Variants in UBR1 observed in about 807,000 individuals in gnomAD.
UBR1 encodes the protein E3 ubiquitin-protein ligase UBR1.
UBR1 carries 102 observed loss-of-function variants against 242.1 expected under a neutral mutation model. The observed-to-expected ratio is 0.42, with a 90% CI of 0.36 to 0.50. UBR1 has a LOEUF of 0.50. Among genes scored for constraint, UBR1 ranks in the 20% least tolerant of loss-of-function variants. The pLI, the probability that UBR1 is intolerant of heterozygous loss-of-function variation, is 0.01. For missense variants in UBR1, 1,772 were observed against 2,101.8 expected (o/e 0.84, Z 3.07); for synonymous variants, 675 against 684.8 (o/e 0.99, Z 0.22).
intron 1 of UBR1, among the ~76,000 whole-genome samples, chr15:43,103,544 C>T (rs1442139742): frequency 1.3e-5 from 2 of 152,174 alleles, no homozygotes; most frequent in Non-Finnish European, 2.9e-5. Flanking sequence ...TATCAGTTCC[C>T]CTGGTAATTC....
chr15:42,969,682 C>T (rs900384378), intron 40 of UBR1, among the ~76,000 whole-genome samples: 5 of 152,306 alleles, frequency 3.3e-5, no homozygotes, highest in African/African-American at 1.2e-4. Context: ...GCAAAAATCA[C>T]AAGCATCCCT....
intron 19 of UBR1, 81 bp from the exon 20 acceptor site, chr15:43,032,712 G>T: frequency 1.2e-6 from 1 of 823,672 alleles, no homozygotes; most frequent in South Asian, 1.5e-5. Context: ...CGAGACTCAT[G>T]GTCCATCCAG....
At chr15:43,004,919 C>T (rs548781350) in intron 30 of UBR1, among the ~76,000 whole-genome samples, 16 of 151,888 alleles carry the variant, frequency 1.1e-4, no homozygotes, top group South Asian at 4.2e-4. Context: ...GCCGCCATCC[C>T]GTCTAGGAAG....
chr15:43,032,750 T>G, intron 19 of UBR1, 119 bp from the exon 20 acceptor site: 1 of 626,734 alleles, frequency 1.6e-6, no homozygotes, highest in Non-Finnish European at 2.8e-6. Flanking sequence ...AGTCCAGTAT[T>G]TTTTTTGTAT....
chr15:43,080,209 G>A (rs533775734), intron 3 of UBR1, among the ~76,000 whole-genome samples: 129 of 152,104 alleles, frequency 8.5e-4, no homozygotes, highest in African/African-American at 3.0e-3. Context: ...CTTTATTTAC[G>A]GGCACTGAAA....
intron 42 of UBR1, 78 bp from the exon 43 acceptor site, chr15:42,960,779 T>C: frequency 6.7e-7 from 1 of 1,483,504 alleles, no homozygotes; most frequent in Non-Finnish European, 9.3e-7. Flanking sequence ...CCATTCTCTT[T>C]TTTTTTTGAG....
chr15:43,005,622 T>C (rs1488668855), intron 30 of UBR1, among the ~76,000 whole-genome samples: 1 of 152,182 alleles, frequency 6.6e-6, no homozygotes, highest in African/African-American at 2.4e-5. Flanking sequence ...CGGGCCATGA[T>C]GACGATGGCG....
At chr15:42,988,648 T>C in intron 35 of UBR1, 171 bp downstream of exon 35, 1 of 839,774 alleles carries the variant, frequency 1.2e-6, no homozygotes, top group Non-Finnish European at 1.9e-6. Context: ...GAGATCAACA[T>C]AAAAAAATTA....
At position 42,998,249 on chromosome 15, in the gene UBR1, G is replaced by C. The variant is rs2032669870; in HGVS notation, c.3676C>G (p.Leu1226Val). ...CGTGCCAGGGTCAAAAGTTGAGCAA[G>C]AGCATCTGCATTCTCACTGAAAAAT... The part of the protein sequence containing the change: ...QKINSENADA[L>V]AQLLTLARWI... The change falls in exon 33 of 47, where the codon CTT (leucine) becomes GTT (valine). Residue 1226 changes from leucine to valine, a missense_variant. By Grantham distance (32) the Leu-to-Val change is conservative (BLOSUM62 1). Transcript: ENST00000290650. 2 of 1,613,774 alleles carry C rather than the reference G, an allele frequency of 1.2e-6. No homozygotes were observed. Among genetic ancestry groups the C allele is most frequent in the Non-Finnish European group, 1.7e-6 (2 of 1,179,906 alleles).
intron 12 of UBR1, among the ~76,000 whole-genome samples, chr15:43,050,651 G>A (rs182310078): frequency 2.6e-3 from 388 of 150,716 alleles, no homozygotes; most frequent in African/African-American, 9.1e-3. Context: ...TTGAACCCAG[G>A]AGACTGAGGT....
At chr15:43,064,765 G>A (rs1376400585) in intron 6 of UBR1, among the ~76,000 whole-genome samples, 4 of 151,730 alleles carry the variant, frequency 2.6e-5, no homozygotes, top group Admixed American at 6.6e-5. Flanking sequence ...TAGTAGAGAT[G>A]GGGTTTCACC....
rs151249840 is a variant in UBR1, at chr15:42,962,368, G to T, written c.4700+1567C>A. ...GGTATCATGGAGCCCAGAGGCTAGG[G>T]ACACCAGCAGATACTGGAATCACAG... On this transcript the variant is annotated intron_variant, in intron 42 of 46. Coordinates refer to ENST00000290650, the MANE Select transcript of UBR1 (RefSeq NM_174916.3). Among the ~76,000 whole-genome samples the T allele has an allele frequency of 2.0e-5, 3 of 152,140 alleles. No homozygotes were observed. In the South Asian group the frequency reaches 6.2e-4, roughly 32 times the overall value.
intron 11 of UBR1, among the ~76,000 whole-genome samples, chr15:43,055,869 C>T (rs1403127244): frequency 1.3e-5 from 2 of 152,070 alleles, no homozygotes; most frequent in Non-Finnish European, 1.5e-5. Context: ...GAGCCCAGGT[C>T]GTCCCATTGC....
intron 40 of UBR1, among the ~76,000 whole-genome samples, chr15:42,968,384 AT>A (rs779715820): frequency 7.5e-3 from 1,056 of 140,208 alleles, no homozygotes; most frequent in Admixed American, 7.9e-3. Flanking sequence ...CCCTTAACAG[AT>A]TTTTTTTTTT....
intron 9 of UBR1, 102 bp downstream of exon 9, chr15:43,058,983 A>G (rs1406557280): frequency 3.3e-6 from 3 of 915,898 alleles, no homozygotes; most frequent in Non-Finnish European, 5.3e-6. Flanking sequence ...AAGATTACAG[A>G]TTTAATAACT....
In UBR1 at chr15:42,978,875, C is replaced by T. The variant is rs1430498388; in HGVS notation, c.4151-928G>A. 1.8e-4 allele frequency among the ~76,000 whole-genome samples: 27 copies of T among 148,248 alleles called. 1 individual carries two copies. The highest frequency in any genetic ancestry group is 1.4e-4 in the Admixed American group (2 of 14,814). On this transcript the variant is annotated intron_variant, in intron 37 of 46. Transcript: ENST00000290650. ...TCCTGAGTAGCTGGGATTGCAGGCA[C>T]GCGCCACCACGCCCGGCTTTTTTTT...
At chr15:43,039,673 T>C (rs1258148450) in intron 15 of UBR1, among the ~76,000 whole-genome samples, 1 of 152,188 alleles carries the variant, frequency 6.6e-6, no homozygotes, top group East Asian at 1.9e-4. Flanking sequence ...ACTTTATTTC[T>C]TTCTCCTGCC....
At chr15:43,035,001 C>T (rs908926702) in intron 19 of UBR1, among the ~76,000 whole-genome samples, 2 of 151,664 alleles carry the variant, frequency 1.3e-5, no homozygotes, top group African/African-American at 4.8e-5. Context: ...TACTGAGCTA[C>T]AAATGTTTAT....
Position 42,945,281 on chromosome 15 carries a change from C to T in UBR1, c.*48G>A. 2 of 1,613,720 alleles carry T rather than the reference C, an allele frequency of 1.2e-6. No individual in the cohort carries two copies. The highest frequency in any genetic ancestry group is 1.7e-6 in the Non-Finnish European group (2 of 1,179,808). ...AAAGTTTTCCATAATTTTGAATCAGCCTTTACTACTGTCGTCATTTGTGAT... is the reference window on the plus strand; with the variant it reads ...AAAGTTTTCCATAATTTTGAATCAGTCTTTACTACTGTCGTCATTTGTGAT... On this transcript the variant is annotated 3_prime_UTR_variant, in exon 47 of 47. Coordinates refer to ENST00000290650, the MANE Select transcript of UBR1 (RefSeq NM_174916.3).
Sources: gnomAD v4.1 joint callset for allele counts (sites outside exome capture counted in the v4.1 genomes callset) on GRCh38, gnomAD v4.1.1 for gene constraint, MANE v1.5 for transcripts, NCBI Gene and HGNC (gene_info 2026-07-23, HGNC 2026-07-21) for gene names.